ATOSA: variants seen among roughly 807,000 people sequenced by gnomAD.
ATOSA encodes atos homolog A.
At chr15:52,661,566 T>C in the ATOSA span, among the ~76,000 whole-genome samples, 2 of 152,208 alleles carry the variant, frequency 1.3e-5, no homozygotes, top group African/African-American at 4.8e-5. Context: ...TTTTGTAATT[T>C]CAGAATAACA....
the ATOSA span, among the ~76,000 whole-genome samples, chr15:52,670,422 TA>T: frequency 2.0e-5 from 3 of 152,240 alleles, no homozygotes; most frequent in Admixed American, 1.3e-4. Context: ...AAAGGCTATG[TA>T]ATTTTTTCAA....
At chr15:52,659,354 T>C in the ATOSA span, among the ~76,000 whole-genome samples, 1 of 152,250 alleles carries the variant, frequency 6.6e-6, no homozygotes, top group African/African-American at 2.4e-5. Context: ...AACAGTTAAA[T>C]TCTAAAATGT....
the ATOSA span, among the ~76,000 whole-genome samples, chr15:52,687,117 T>C: frequency 6.6e-6 from 1 of 152,156 alleles, no homozygotes; most frequent in African/African-American, 2.4e-5. Flanking sequence ...TGTTAATAAA[T>C]AATTGCGGCC....
At chr15:52,585,170 A>G in the ATOSA span, 31 of 358,010 alleles carry the variant, frequency 8.7e-5, no homozygotes, top group African/African-American at 6.3e-4. Context: ...TCCAATAACA[A>G]ATCAAAATCT....
chr15:52,671,072 A>G, the ATOSA span, among the ~76,000 whole-genome samples: 1 of 152,172 alleles, frequency 6.6e-6, no homozygotes, highest in Admixed American at 6.5e-5. Context: ...AATTCAGCAC[A>G]GGGGGTGGAC....
the ATOSA span, among the ~76,000 whole-genome samples, chr15:52,661,737 C>G: frequency 3.3e-5 from 5 of 152,052 alleles, no homozygotes; most frequent in South Asian, 1.0e-3. Flanking sequence ...CATGGTTAGG[C>G]TACGACCTCC....
chr15:52,613,234 C>A, the ATOSA span, among the ~76,000 whole-genome samples: 4 of 152,208 alleles, frequency 2.6e-5, no homozygotes, highest in African/African-American at 9.7e-5. Context: ...GGTGTGGTGG[C>A]ACGCACCTGT....
At chr15:52,633,757 T>C in the ATOSA span, among the ~76,000 whole-genome samples, 2 of 151,998 alleles carry the variant, frequency 1.3e-5, no homozygotes, top group African/African-American at 4.8e-5. Context: ...AGAAGGAAAA[T>C]AACATCTGAG....
At chr15:52,701,795 G>A in the ATOSA span, among the ~76,000 whole-genome samples, 8 of 152,038 alleles carry the variant, frequency 5.3e-5, no homozygotes, top group South Asian at 2.1e-4. Context: ...GAAAATATCT[G>A]TAACATTTTA....
chr15:52,593,558 A>G, the ATOSA span: 1 of 1,539,874 alleles, frequency 6.5e-7, no homozygotes, highest in Non-Finnish European at 8.8e-7. Context: ...AGGAAAACAT[A>G]CAATATAAAA....
At chr15:52,694,253 T>C in the ATOSA span, among the ~76,000 whole-genome samples, 3 of 151,554 alleles carry the variant, frequency 2.0e-5, no homozygotes, top group Non-Finnish European at 4.4e-5. Flanking sequence ...CGCAACCTCC[T>C]CCTCATGGGT....
chr15:52,600,286 T>C, the ATOSA span: 1 of 1,187,112 alleles, frequency 8.4e-7, no homozygotes. Context: ...AATACTTTTT[T>C]TTTTAATCTT....
chr15:52,584,964 A>G, the ATOSA span: 2 of 1,549,436 alleles, frequency 1.3e-6, no homozygotes, highest in African/African-American at 2.7e-5. Flanking sequence ...CAATATAGAA[A>G]TTATTCTTTA....
chr15:52,675,675 G>A, the ATOSA span, among the ~76,000 whole-genome samples: 1 of 152,212 alleles, frequency 6.6e-6, no homozygotes, highest in Non-Finnish European at 1.5e-5. Context: ...CTGGGAGGCC[G>A]AGGCGGGCGG....
chr15:52,636,771 G>C, the ATOSA span, among the ~76,000 whole-genome samples: 1 of 152,212 alleles, frequency 6.6e-6, no homozygotes, highest in African/African-American at 2.4e-5. Flanking sequence ...CTGAAACTCA[G>C]GGGAAGTGGT....
chr15:52,587,299 T>C, the ATOSA span: 4 of 1,175,718 alleles, frequency 3.4e-6, no homozygotes, highest in Non-Finnish European at 4.8e-6. Flanking sequence ...ACTCATGTAA[T>C]TTATTAAAAT....
the ATOSA span, chr15:52,582,381 A>G: frequency 7.7e-7 from 1 of 1,304,358 alleles, no homozygotes; most frequent in Non-Finnish European, 1.0e-6. Context: ...TTAAAATTTG[A>G]AAGTAGGAAG....
chr15:52,620,877 C>A, the ATOSA span, among the ~76,000 whole-genome samples: 1 of 152,196 alleles, frequency 6.6e-6, no homozygotes, highest in African/African-American at 2.4e-5. Context: ...GTTGAGGCTG[C>A]GGTGAGCTGG....
At chr15:52,590,135 C>G in the ATOSA span, among the ~76,000 whole-genome samples, 6,009 of 152,172 alleles carry the variant, frequency 0.039, 329 homozygotes, top group African/African-American at 0.12. Flanking sequence ...AATAAATATG[C>G]TCAAAATCTT....
Sources: gnomAD v4.1 joint callset for allele counts (sites outside exome capture counted in the v4.1 genomes callset) on GRCh38, gnomAD v4.1.1 for gene constraint, MANE v1.5 for transcripts, NCBI Gene and HGNC (gene_info 2026-07-23, HGNC 2026-07-21) for gene names.